Variants in SLC2A9 observed in about 807,000 individuals in gnomAD.
The protein encoded by SLC2A9 is solute carrier family 2, facilitated glucose transporter member 9.
A neutral mutation model predicts 50.6 loss-of-function variants in SLC2A9; 39 were observed. That is an observed-to-expected ratio of 0.77 (90% CI 0.60 to 1.01). The LOEUF (loss-of-function observed/expected upper bound fraction) is 1.01, where lower values mean the gene tolerates loss of function less well. SLC2A9 is among the 50% of genes least tolerant of loss of function. SLC2A9 has a pLI of 0.00. For synonymous variants in SLC2A9, 324 were observed against 276.9 expected (o/e 1.17, Z -1.69); for missense variants, 686 against 677.6 (o/e 1.01, Z -0.14).
rs749062052 is a variant in SLC2A9 at position 9,834,974 on chromosome 4, G to A, written c.1326C>T (p.Phe442=). 6.2e-7 allele frequency: 1 copy of A among 1,613,884 alleles called. No homozygotes were observed. The highest frequency in any genetic ancestry group is 8.5e-7 in the Non-Finnish European group (1 of 1,180,004). ...GIPFILTGEF[F]QQSQRPAAFI... Reference sequence around the variant, plus strand: ...AGGCAGCCGGCCGCTGAGATTGCTGGAAGAACTCACCAGTCAAGATGAACG... The same window carrying A: ...AGGCAGCCGGCCGCTGAGATTGCTGAAAGAACTCACCAGTCAAGATGAACG... Residue 442 remains phenylalanine (F), a synonymous_variant, in exon 11 of 12, where the codon TTC becomes TTT. Coordinates refer to ENST00000264784, the MANE Select transcript of SLC2A9 (RefSeq NM_020041.3).
intron 7 of SLC2A9, among the ~76,000 whole-genome samples, chr4:9,909,224 A>T (rs1276665256): frequency 6.6e-6 from 1 of 152,234 alleles, no homozygotes; most frequent in Non-Finnish European, 1.5e-5. Flanking sequence ...AGAAAGAGTT[A>T]GCCTGTGCCC....
At chr4:9,891,147 A>G (rs1235587575) in intron 8 of SLC2A9, among the ~76,000 whole-genome samples, 1 of 152,152 alleles carries the variant, frequency 6.6e-6, no homozygotes, top group African/African-American at 2.4e-5. Flanking sequence ...TAGGCAGAGA[A>G]GCCCATGTCG....
At chr4:10,038,158 C>G (rs1203528485) in intron 1 of SLC2A9, among the ~76,000 whole-genome samples, 2 of 151,778 alleles carry the variant, frequency 1.3e-5, no homozygotes, top group Non-Finnish European at 2.9e-5. Context: ...TTTGTGAGTC[C>G]CTTACATAGT....
chr4:10,033,350 C>T (rs1405067139), intron 1 of SLC2A9, among the ~76,000 whole-genome samples: 1 of 152,180 alleles, frequency 6.6e-6, no homozygotes, highest in Non-Finnish European at 1.5e-5. Context: ...TTCCTTCTGA[C>T]TCAGATGGCT....
rs80348860 is a variant in SLC2A9 at position 9,991,162 on chromosome 4, G to A, written c.411-5369C>T. Among the ~76,000 whole-genome samples the A allele has an allele frequency of 4.2e-3, 637 of 152,324 alleles. 5 individuals carry two copies. The highest frequency in any genetic ancestry group is 0.014 in the African/African-American group (594 of 41,572). The stretch of plus-strand genomic sequence containing the variant: ...AAGTGAGGCTAAACTTGACCAGGGA[G>A]TGCAGCCTTGCCTGGCTCCTTCCCC... On this transcript the variant is annotated intron_variant, in intron 3 of 11. Coordinates refer to ENST00000264784, the MANE Select transcript of SLC2A9 (RefSeq NM_020041.3).
chr4:9,972,455 AT>A (rs1294013114), intron 5 of SLC2A9, among the ~76,000 whole-genome samples: 4 of 152,258 alleles, frequency 2.6e-5, no homozygotes, highest in Admixed American at 2.6e-4. Flanking sequence ...GATTAAATTC[AT>A]GGAACCAGCA....
chr4:10,018,935 G>A (rs1206691430), intron 2 of SLC2A9, 40 bp downstream of exon 2: 2 of 1,542,112 alleles, frequency 1.3e-6, no homozygotes, highest in African/African-American at 1.4e-5. Flanking sequence ...GGTTTCCGCA[G>A]GGCCGCAGCG....
At chr4:10,024,775 A>G (rs895583772), upstream of SLC2A9, among the ~76,000 whole-genome samples, 9 of 152,224 alleles carry the variant, frequency 5.9e-5, no homozygotes, top group African/African-American at 2.2e-4. Context: ...AAGGCTAAAA[A>G]GTTGTCTTGG....
intron 3 of SLC2A9, among the ~76,000 whole-genome samples, chr4:9,815,551 G>A (rs1723459826): frequency 6.6e-6 from 1 of 152,252 alleles, no homozygotes; most frequent in Non-Finnish European, 1.5e-5. Flanking sequence ...TGTGCCGTTA[G>A]GGTGTGGCCT....
chr4:9,858,649 A>C (rs1214749697), intron 10 of SLC2A9, among the ~76,000 whole-genome samples: 1 of 152,200 alleles, frequency 6.6e-6, no homozygotes, highest in Non-Finnish European at 1.5e-5. Flanking sequence ...ATGAGGGCAC[A>C]AGGTAAAAAC....
chr4:9,772,762 T>C (rs1716998242), intron 1 of SLC2A9, among the ~76,000 whole-genome samples: 2 of 152,352 alleles, frequency 1.3e-5, no homozygotes, highest in Middle Eastern at 3.4e-3. Context: ...AAGTACAGCA[T>C]CTCATTTACC....
intron 8 of SLC2A9, among the ~76,000 whole-genome samples, chr4:9,902,301 T>G (rs1239513448): frequency 6.6e-6 from 1 of 152,192 alleles, no homozygotes; most frequent in African/African-American, 2.4e-5. Context: ...GCAGAGACCT[T>G]TGTCTGTTTT....
intron 3 of SLC2A9, among the ~76,000 whole-genome samples, chr4:9,809,919 A>G (rs577393291): frequency 2.0e-5 from 3 of 151,976 alleles, no homozygotes; most frequent in Non-Finnish European, 4.4e-5. Flanking sequence ...GATGCATGCA[A>G]AAATCATTTT....
intron 10 of SLC2A9, among the ~76,000 whole-genome samples, chr4:9,866,121 C>A (rs933121214): frequency 2.9e-4 from 44 of 152,110 alleles, no homozygotes. Flanking sequence ...ATATGCAGGG[C>A]CCGTTACTTA....
intron 10 of SLC2A9, among the ~76,000 whole-genome samples, chr4:9,849,288 A>G (rs1467082781): frequency 6.6e-6 from 1 of 152,230 alleles, no homozygotes; most frequent in African/African-American, 2.4e-5. Flanking sequence ...GTGTGGAGGC[A>G]GACTGGGACA....
chr4:9,845,902 C>A (rs1577499678), intron 10 of SLC2A9, among the ~76,000 whole-genome samples: 1 of 152,290 alleles, frequency 6.6e-6, no homozygotes, highest in South Asian at 2.1e-4. Flanking sequence ...TCTTCACGGG[C>A]ATTCTGTTTT....
intron 4 of SLC2A9, among the ~76,000 whole-genome samples, chr4:9,981,204 GTGATGATGATGA>G (rs1350985058): frequency 6.7e-6 from 1 of 150,308 alleles, no homozygotes. Context: ...GGTCATGATG[GTGATGATGATGA>G]TGGTGGTGGT....
chr4:9,848,389 T>C (rs1729322527), intron 10 of SLC2A9, among the ~76,000 whole-genome samples: 1 of 150,806 alleles, frequency 6.6e-6, no homozygotes, highest in Non-Finnish European at 1.5e-5. Context: ...AGGAGACTTC[T>C]CCAGGAATGG....
intron 10 of SLC2A9, among the ~76,000 whole-genome samples, chr4:9,854,574 T>C (rs1034691336): frequency 3.3e-5 from 5 of 152,172 alleles, no homozygotes; most frequent in African/African-American, 7.2e-5. Flanking sequence ...TTCCAAAAAA[T>C]TGAGAAGGAT....
Sources: gnomAD v4.1 joint callset for allele counts (sites outside exome capture counted in the v4.1 genomes callset) on GRCh38, gnomAD v4.1.1 for gene constraint, MANE v1.5 for transcripts, NCBI Gene and HGNC (gene_info 2026-07-23, HGNC 2026-07-21) for gene names.